Variants in SLC35F1 observed in about 807,000 individuals in gnomAD.
SLC35F1 encodes the protein chromosome 6 open reading frame 169.
Under a neutral mutation model 48.7 loss-of-function variants are expected in SLC35F1, and 14 were observed. That is an observed-to-expected ratio of 0.29 (90% CI 0.19 to 0.45). The LOEUF is 0.45. Ranked by LOEUF, SLC35F1 falls within the 20% of genes least tolerant of loss-of-function variation. The probability of loss-of-function intolerance (pLI) is 1.00; values close to 1 mark genes in which losing one functional copy is unlikely to be tolerated. For missense variants in SLC35F1, 404 were observed against 500.0 expected (o/e 0.81, Z 1.83); for synonymous variants, 190 against 202.2 (o/e 0.94, Z 0.51).
chr6:118,215,045 C>T (rs918075877), intron 2 of SLC35F1, among the ~76,000 whole-genome samples: 5 of 152,162 alleles, frequency 3.3e-5, no homozygotes, highest in Admixed American at 2.6e-4. Flanking sequence ...ACACTCTTCT[C>T]CCTGGTATCA....
At chr6:118,040,692 T>C (rs1158116251) in intron 1 of SLC35F1, among the ~76,000 whole-genome samples, 2 of 151,740 alleles carry the variant, frequency 1.3e-5, no homozygotes, top group African/African-American at 4.8e-5. Context: ...ATCCTCATCG[T>C]TTTACATATC....
At chr6:117,911,513 G>T (rs1775763528) in intron 1 of SLC35F1, among the ~76,000 whole-genome samples, 1 of 150,320 alleles carries the variant, frequency 6.7e-6, no homozygotes, top group South Asian at 2.1e-4. Context: ...ACAACTTATT[G>T]CAGCCTTGAC....
intron 1 of SLC35F1, among the ~76,000 whole-genome samples, chr6:117,931,495 T>G (rs1366744714): frequency 6.6e-6 from 1 of 152,254 alleles, no homozygotes; most frequent in Non-Finnish European, 1.5e-5. Context: ...GTTTGACTAG[T>G]GAATTTAACC....
chr6:118,122,288 A>G (rs1237771239), intron 1 of SLC35F1, among the ~76,000 whole-genome samples: 1 of 150,484 alleles, frequency 6.6e-6, no homozygotes, highest in African/African-American at 2.4e-5. Flanking sequence ...CGTGGACTCT[A>G]TTGTTAGCTG....
At chr6:118,192,215 T>C (rs747361726) in intron 2 of SLC35F1, among the ~76,000 whole-genome samples, 2 of 152,208 alleles carry the variant, frequency 1.3e-5, no homozygotes, top group Non-Finnish European at 2.9e-5. Context: ...CAGTATTCGC[T>C]GATTTAACAT....
chr6:118,069,999 G>C (rs1298492639), intron 1 of SLC35F1, among the ~76,000 whole-genome samples: 1 of 151,284 alleles, frequency 6.6e-6, no homozygotes, highest in East Asian at 1.9e-4. Flanking sequence ...AGCCGGGCGC[G>C]GTGGCGGGCG....
chr6:118,175,478 A>C (rs570424571), intron 2 of SLC35F1, among the ~76,000 whole-genome samples: 1 of 152,304 alleles, frequency 6.6e-6, no homozygotes, highest in South Asian at 2.1e-4. Flanking sequence ...TTTTGAAATG[A>C]AACTTTCTAA....
At chr6:118,035,588 T>C (rs1369953223) in intron 1 of SLC35F1, among the ~76,000 whole-genome samples, 2 of 149,510 alleles carry the variant, frequency 1.3e-5, no homozygotes, top group African/African-American at 4.9e-5. Flanking sequence ...CACTCCAGTT[T>C]AGGCAACAAG....
At chr6:118,157,477 C>T (rs149992498) in intron 2 of SLC35F1, among the ~76,000 whole-genome samples, 20 of 152,104 alleles carry the variant, frequency 1.3e-4, no homozygotes, top group African/African-American at 2.9e-4. Flanking sequence ...CTCATGATCA[C>T]AAGGTGAAGT....
At chr6:117,908,864 G>A (rs982000871) in intron 1 of SLC35F1, among the ~76,000 whole-genome samples, 1 of 152,138 alleles carries the variant, frequency 6.6e-6, no homozygotes, top group Non-Finnish European at 1.5e-5. Flanking sequence ...TGTTCCAGTC[G>A]CTCTGTTCAT....
At chr6:118,190,484 A>G (rs913449375) in intron 2 of SLC35F1, among the ~76,000 whole-genome samples, 1 of 151,634 alleles carries the variant, frequency 6.6e-6, no homozygotes, top group Admixed American at 6.6e-5. Context: ...TACTTAGGTG[A>G]GAGTATGATT....
At chr6:118,186,356 G>A (rs923139549) in intron 2 of SLC35F1, among the ~76,000 whole-genome samples, 3 of 151,516 alleles carry the variant, frequency 2.0e-5, no homozygotes, top group Non-Finnish European at 2.9e-5. Context: ...AGATAATAGC[G>A]CCCCCACCCC....
intron 1 of SLC35F1, among the ~76,000 whole-genome samples, chr6:118,032,181 C>G (rs1157555848): frequency 6.6e-6 from 1 of 152,078 alleles, no homozygotes. Context: ...GGTTATTCAT[C>G]TTTTGAATTC....
In SLC35F1 at chr6:118,237,632, C is replaced by T. The variant is rs556992878; in HGVS notation, c.477+1996C>T. Among the ~76,000 whole-genome samples the T allele has an allele frequency of 9.9e-5, 15 of 152,216 alleles. No individual in the cohort carries two copies. The South Asian group carries it at 1.7e-3, about 17-fold the overall frequency. On this transcript the variant is annotated intron_variant, in intron 3 of 7. Transcript: ENST00000360388. ...CTTGAACTCCTGGGCTCAAGAGATC[C>T]GCCCACCTCAGCCTCCTAAAGTGCT...
chr6:118,264,254 C>G (rs966180615), intron 3 of SLC35F1, among the ~76,000 whole-genome samples: 1 of 152,208 alleles, frequency 6.6e-6, no homozygotes, highest in African/African-American at 2.4e-5. Flanking sequence ...CAGTAGCAAC[C>G]TTGATTATCT....
chr6:117,984,864 G>A (rs951616403), intron 1 of SLC35F1, among the ~76,000 whole-genome samples: 6 of 152,230 alleles, frequency 3.9e-5, no homozygotes, highest in African/African-American at 1.2e-4. Context: ...AGAGCTGGGA[G>A]AGTAACTCAC....
At chr6:118,148,745 A>G (rs553631403) in intron 1 of SLC35F1, among the ~76,000 whole-genome samples, 1 of 152,298 alleles carries the variant, frequency 6.6e-6, no homozygotes, top group East Asian at 1.9e-4. Flanking sequence ...TACATGAATA[A>G]CCTACAGCTC....
chr6:118,058,436 A>G (rs1168875708), intron 1 of SLC35F1, among the ~76,000 whole-genome samples: 1 of 151,806 alleles, frequency 6.6e-6, no homozygotes, highest in Non-Finnish European at 1.5e-5. Flanking sequence ...CAGAGTCCCT[A>G]TTTTCTCATT....
At chr6:118,256,121 T>A (rs1775639975) in intron 3 of SLC35F1, among the ~76,000 whole-genome samples, 1 of 152,012 alleles carries the variant, frequency 6.6e-6, no homozygotes, top group African/African-American at 2.4e-5. Flanking sequence ...AAAATTAAAA[T>A]GGTTATTGAT....
Sources: gnomAD v4.1 joint callset for allele counts (sites outside exome capture counted in the v4.1 genomes callset) on GRCh38, gnomAD v4.1.1 for gene constraint, MANE v1.5 for transcripts, NCBI Gene and HGNC (gene_info 2026-07-23, HGNC 2026-07-21) for gene names.